IGSF10: variants seen among roughly 807,000 people sequenced by gnomAD.
IGSF10 encodes the protein immunoglobulin superfamily member 10.
In IGSF10, 126 loss-of-function variants were observed where a neutral mutation model predicts 128.2. The observed-to-expected ratio is 0.98, with a 90% CI of 0.85 to 1.14. The LOEUF is 1.14. IGSF10 is among the 50% of genes most tolerant of loss of function. The pLI, the probability that IGSF10 is intolerant of heterozygous loss-of-function variation, is 0.00. For synonymous variants in IGSF10, 1,185 were observed against 1,146.2 expected (o/e 1.03, Z -0.68); for missense variants, 3,295 against 3,149.8 (o/e 1.05, Z -1.10).
the IGSF10 span, among the ~76,000 whole-genome samples, chr3:151,547,800 C>T: frequency 6.6e-5 from 10 of 152,224 alleles, no homozygotes; most frequent in South Asian, 2.1e-4. Context: ...AAGAATCCGC[C>T]GGCATGTTAT....
chr3:151,470,494 A>G, the IGSF10 span, among the ~76,000 whole-genome samples: 1 of 152,198 alleles, frequency 6.6e-6, no homozygotes, highest in Admixed American at 6.5e-5. Flanking sequence ...GAGCTCACTA[A>G]TAATGCTATA....
the IGSF10 span, among the ~76,000 whole-genome samples, chr3:151,494,425 T>C: frequency 1.3e-5 from 2 of 152,114 alleles, no homozygotes; most frequent in Non-Finnish European, 2.9e-5. Flanking sequence ...AAATGTTAAC[T>C]GCATTAAAAA....
the IGSF10 span, among the ~76,000 whole-genome samples, chr3:151,581,048 C>G: frequency 6.6e-6 from 1 of 151,860 alleles, no homozygotes; most frequent in East Asian, 1.9e-4. Context: ...GTTGTATAAT[C>G]TTTCTTGTTT....
the IGSF10 span, among the ~76,000 whole-genome samples, chr3:151,544,692 T>TC: frequency 1.6e-5 from 2 of 126,054 alleles, no homozygotes; most frequent in South Asian, 2.3e-4. Context: ...ATTTTCTCTC[T>TC]TTTTTTTTTT....
rs981078147 is a variant in IGSF10, at chr3:151,446,360, C to G, written c.3621G>C (p.Gln1207His). Residue 1207 changes from glutamine to histidine, a missense_variant, in exon 6 of 8, where the codon CAG (glutamine) becomes CAC (histidine). Physicochemically the swap from Gln to His is conservative, Grantham distance 24. Coordinates refer to ENST00000282466, the MANE Select transcript of IGSF10 (RefSeq NM_178822.5). ...RFSRRKIPWQ[Q>H]NFVNNHNPKG... ...TTGGGTTATGGTTATTTACAAAGTT[C>G]TGTTGCCAGGGAATTTTCCTTCTTG... 6.2e-7 allele frequency: 1 copy of G among 1,613,166 alleles called. No homozygotes were observed. The highest frequency in any genetic ancestry group is 8.5e-7 in the Non-Finnish European group (1 of 1,179,220).
At chr3:151,516,536 C>T in the IGSF10 span, among the ~76,000 whole-genome samples, 12 of 152,136 alleles carry the variant, frequency 7.9e-5, no homozygotes, top group Admixed American at 1.3e-4. Flanking sequence ...TTTAATGGCA[C>T]GGACGTTGCC....
chr3:151,526,182 C>G, the IGSF10 span, among the ~76,000 whole-genome samples: 1 of 152,174 alleles, frequency 6.6e-6, no homozygotes, highest in Non-Finnish European at 1.5e-5. Flanking sequence ...GATTGGGAAA[C>G]AGAGTGAAGG....
upstream of IGSF10, among the ~76,000 whole-genome samples, chr3:151,464,950 C>A (rs1273464554): frequency 6.6e-6 from 1 of 152,162 alleles, no homozygotes; most frequent in African/African-American, 2.4e-5. Context: ...AGATCTCTAA[C>A]CTTTCAGAGC....
chr3:151,447,945 G>C lies in IGSF10; in HGVS notation c.2036C>G (p.Ser679Cys). 6.2e-7 allele frequency: 1 copy of C among 1,614,112 alleles called. No homozygotes were observed. The highest frequency in any genetic ancestry group is 1.1e-5 in the South Asian group (1 of 91,062). The stretch of plus-strand genomic sequence containing the variant: ...AATAGGATTGGACTCATCAAGTCCA[G>C]ATCCCTCTGTTTCTCCATCATGCTC... ...PLEHDGETEGSGLDESNPIAH... is the reference protein window; with the variant it reads ...PLEHDGETEGCGLDESNPIAH... Residue 679 changes from serine (S) to cysteine (C), a missense_variant, in exon 6 of 8, where the codon TCT becomes TGT. By Grantham distance (112) the Ser-to-Cys change is moderately radical (BLOSUM62 -1). Transcript: ENST00000282466.
At chr3:151,552,453 T>A in the IGSF10 span, among the ~76,000 whole-genome samples, 3 of 152,084 alleles carry the variant, frequency 2.0e-5, no homozygotes, top group Non-Finnish European at 4.4e-5. Flanking sequence ...TTAAGCAACA[T>A]CTTAAGTAAA....
the IGSF10 span, among the ~76,000 whole-genome samples, chr3:151,490,007 C>T: frequency 6.6e-6 from 1 of 151,708 alleles, no homozygotes; most frequent in African/African-American, 2.4e-5. Flanking sequence ...TACAAAACAA[C>T]CAGAAAACAA....
downstream of IGSF10, chr3:151,435,549 TAATTC>T (rs1019534983): frequency 4.6e-5 from 7 of 152,168 alleles, no homozygotes; most frequent in African/African-American, 1.7e-4. Flanking sequence ...AACTTATTAG[TAATTC>T]TCGGTTTTGT....
At chr3:151,438,903 A>G (rs1055876528) in intron 7 of IGSF10, among the ~76,000 whole-genome samples, 3 of 152,028 alleles carry the variant, frequency 2.0e-5, no homozygotes, top group Non-Finnish European at 2.9e-5. Context: ...TAGCATGTCC[A>G]TCACCTCATA....
At chr3:151,442,845 TGAGAGAG>T in intron 7 of IGSF10, 132 bp downstream of exon 7, 3 of 599,380 alleles carry the variant, frequency 5.0e-6, no homozygotes, top group Non-Finnish European at 7.9e-6. Flanking sequence ...TAGTTTTTTT[TGAGAGAG>T]TTTCCTTTAT....
the IGSF10 span, among the ~76,000 whole-genome samples, chr3:151,514,732 A>T: frequency 0.48 from 72,469 of 151,920 alleles, 17,729 homozygotes; most frequent in South Asian, 0.59. Flanking sequence ...ACAAAGGGCT[A>T]ATATCCAGAA....
At chr3:151,488,681 C>T in the IGSF10 span, among the ~76,000 whole-genome samples, 2 of 152,124 alleles carry the variant, frequency 1.3e-5, no homozygotes, top group South Asian at 4.1e-4. Context: ...ACATCTACAA[C>T]CATCTGATCT....
rs773938900 is a variant in IGSF10 at position 151,449,108 on chromosome 3, C to T, written c.873G>A (p.Lys291=). The change falls in exon 6 of 8, where the codon AAG becomes AAA. Residue 291 remains lysine, a synonymous_variant. Coordinates refer to ENST00000282466, the MANE Select transcript of IGSF10 (RefSeq NM_178822.5). ...TACTGTCTTCCAGAATAGTCAGGCTCTTTGATTTCAGGGATGAGTCAATGG... is the reference window on the plus strand; with the variant it reads ...TACTGTCTTCCAGAATAGTCAGGCTTTTTGATTTCAGGGATGAGTCAATGG... ...KPTIDSSLKS[K]SLTILEDSSS... 13 of 1,614,026 alleles carry T rather than the reference C, an allele frequency of 8.1e-6. No homozygotes were observed. The highest frequency in any genetic ancestry group is 9.3e-6 in the Non-Finnish European group (11 of 1,180,052).
At chr3:151,439,737 A>G (rs1191564944) in intron 7 of IGSF10, among the ~76,000 whole-genome samples, 1 of 152,198 alleles carries the variant, frequency 6.6e-6, no homozygotes, top group Non-Finnish European at 1.5e-5. Flanking sequence ...AGCTGTGTGG[A>G]ATACCATTTT....
chr3:151,490,783 G>T, the IGSF10 span, among the ~76,000 whole-genome samples: 1 of 151,964 alleles, frequency 6.6e-6, no homozygotes, highest in African/African-American at 2.4e-5. Flanking sequence ...CAACCAATAA[G>T]TCAACAAATA....
Sources: gnomAD v4.1 joint callset for allele counts (sites outside exome capture counted in the v4.1 genomes callset) on GRCh38, gnomAD v4.1.1 for gene constraint, MANE v1.5 for transcripts, NCBI Gene and HGNC (gene_info 2026-07-23, HGNC 2026-07-21) for gene names.